The following SEC16A variants were observed in gnomAD, a reference collection of about 807,000 sequenced individuals.
SEC16A encodes SEC16 homolog A, endoplasmic reticulum export factor.
Under a neutral mutation model 221.9 loss-of-function variants are expected in SEC16A, and 110 were observed. The ratio of observed to expected loss-of-function variants is 0.50; its 90% CI spans 0.42 to 0.58. SEC16A has a LOEUF of 0.58. Ranked by LOEUF, SEC16A falls within the 20% of genes least tolerant of loss-of-function variation. The pLI is 0.00. For missense variants in SEC16A, 3,165 were observed against 3,097.8 expected, an observed-to-expected ratio of 1.02 and a Z score of -0.52; for synonymous variants, 1,393 against 1,257.7, an observed-to-expected ratio of 1.11 and a Z score of -2.28.
chr9:136,464,883 T>C (rs1839953569), intron 8 of SEC16A, among the ~76,000 whole-genome samples: 1 of 152,100 alleles, frequency 6.6e-6, no homozygotes, highest in South Asian at 2.1e-4. Flanking sequence ...TCCCGAGCTC[T>C]TCCATTTTCA....
intron 23 of SEC16A, among the ~76,000 whole-genome samples, chr9:136,450,721 G>A (rs1003151673): frequency 6.6e-6 from 1 of 152,148 alleles, no homozygotes; most frequent in Admixed American, 6.5e-5. Flanking sequence ...GTGTGACTTG[G>A]GGCAACCAAC....
At position 136,472,095 on chromosome 9, in the gene SEC16A, T is replaced by C. The variant is rs200721378; in HGVS notation, c.3584A>G (p.Tyr1195Cys). 9.1e-5 allele frequency: 147 copies of C among 1,613,582 alleles called. No individual in the cohort carries two copies. The highest frequency in any genetic ancestry group is 1.2e-4 in the Non-Finnish European group (136 of 1,179,872). ...SLYYQDVYSL[Y>C]EPRYRPYDGA... ...ATCATAGGGCCTGTATCGAGGCTCA[T>C]AGAGGCTGTAGACATCCTGTGGGAG... Residue 1195 changes from tyrosine to cysteine, a missense_variant, in exon 4 of 32, where the codon TAT becomes TGT. Tyr to Cys is a radical substitution (Grantham distance 194). Around this residue, in one of 3 missense-constraint regions of SEC16A, gnomAD observed 2,030 missense variants for 1,923.1 expected, o/e 1.06. Coordinates refer to ENST00000684901, the MANE Select transcript of SEC16A (RefSeq NM_014866.2).
intron 12 of SEC16A, among the ~76,000 whole-genome samples, chr9:136,461,998 C>A (rs1839546636): frequency 1.3e-5 from 2 of 151,792 alleles, no homozygotes; most frequent in African/African-American, 4.8e-5. Flanking sequence ...GTCCCAGCTA[C>A]TCAGGAGGCT....
At chr9:136,469,085 A>G (rs560695055) in intron 4 of SEC16A, among the ~76,000 whole-genome samples, 19 of 152,222 alleles carry the variant, frequency 1.2e-4, no homozygotes, top group African/African-American at 3.6e-4. Flanking sequence ...CCTGGGGTCA[A>G]GCGATCCACC....
upstream of SEC16A, chr9:136,484,448 C>T: frequency 8.3e-7 from 1 of 1,204,008 alleles, no homozygotes; most frequent in South Asian, 1.5e-5. Flanking sequence ...AGCGGCCAGC[C>T]ATGCCGGGCC....
intron 12 of SEC16A, 145 bp from the exon 13 acceptor site, chr9:136,461,419 C>A: frequency 1.5e-6 from 1 of 658,746 alleles, no homozygotes; most frequent in Middle Eastern, 2.4e-4. Context: ...CATTTGGAGA[C>A]TAAAGACACG....
At position 136,460,061 on chromosome 9, in the gene SEC16A, C is replaced by A. The variant is rs775500259; in HGVS notation, c.5054G>T (p.Arg1685Leu). Residue 1685 changes from arginine (R) to leucine (L), a missense_variant, in exon 14 of 32, where the codon CGG becomes CTG. This residue lies in a region of SEC16A where 1,088 missense variants were observed against 1,089.6 expected (regional missense o/e 1.00). Coordinates refer to ENST00000684901, the MANE Select transcript of SEC16A (RefSeq NM_014866.2). ...LQTVYQLMSG[R>L]MPAASTCCGD... ...ACTCACCGTGGACGCGGCAGGCATC[C>A]GTCCGGACATGAGCTGGTAGACTGT... The A allele has an allele frequency of 6.2e-7, 1 of 1,605,484 alleles. No individual in the cohort carries two copies. Among genetic ancestry groups the A allele is most frequent in the East Asian group, 2.2e-5 (1 of 44,462 alleles).
rs1841541801 is a variant in SEC16A, at chr9:136,475,769, G to A, written c.1847C>T (p.Ser616Phe). 2 of 1,600,558 alleles carry A rather than the reference G, an allele frequency of 1.2e-6. No homozygotes were observed. The highest frequency in any genetic ancestry group is 1.1e-5 in the South Asian group (1 of 89,164). ...AAATGGTTTTACCCCAACTAAGTGA[G>A]ATTTTACCGGTTCGAAAGAACTATT... ...SANSSFEPVK[S>F]HLVGVKPFEA... Residue 616 changes from serine to phenylalanine, a missense_variant, in exon 3 of 32, where the codon TCT becomes TTT. Around this residue, in one of 3 missense-constraint regions of SEC16A, gnomAD observed 2,030 missense variants for 1,923.1 expected, o/e 1.06. Coordinates refer to ENST00000684901, the MANE Select transcript of SEC16A (RefSeq NM_014866.2). The surrounding 1 kb of genome is among the most constrained non-coding windows in gnomAD (Gnocchi z 5.0).
upstream of SEC16A, chr9:136,483,873 T>C (rs1487032574): frequency 3.3e-6 from 3 of 914,280 alleles, no homozygotes; most frequent in Non-Finnish European, 2.6e-6. Context: ...GCTGGTTGCC[T>C]GGTTACGGCG....
intron 4 of SEC16A, among the ~76,000 whole-genome samples, chr9:136,469,350 A>C (rs1840570657): frequency 6.6e-6 from 1 of 152,194 alleles, no homozygotes; most frequent in Admixed American, 6.6e-5. Context: ...CACGTGCCCC[A>C]GAAAGGCTGG....
chr9:136,457,478 A>G lies in SEC16A; in HGVS notation c.5516T>C (p.Leu1839Pro). The G allele has an allele frequency of 1.2e-6, 2 of 1,607,838 alleles. No homozygotes were observed. The highest frequency in any genetic ancestry group is 1.7e-6 in the Non-Finnish European group (2 of 1,177,106). Residue 1839 changes from leucine (L) to proline (P), a missense_variant, in exon 18 of 32, where the codon CTG becomes CCG. Physicochemically the swap from Leu to Pro is moderately conservative, Grantham distance 98. Transcript: ENST00000684901. ...IAKSILTQPHLYSPVLISQLV... is the reference protein window; with the variant it reads ...IAKSILTQPHPYSPVLISQLV... The stretch of plus-strand genomic sequence containing the variant: ...CTGGCTGATCAACACCGGGGAATAC[A>G]GGTGCGGCTGCGTCAGGATGCTCTT...
chr9:136,465,833 G>T, intron 8 of SEC16A, 129 bp downstream of exon 8: 2 of 956,948 alleles, frequency 2.1e-6, no homozygotes, highest in Non-Finnish European at 3.0e-6. Flanking sequence ...TCGGAAGGAC[G>T]GATTGGGTCA....
At chr9:136,470,357 T>C (rs1256518018) in intron 4 of SEC16A, among the ~76,000 whole-genome samples, 1 of 152,164 alleles carries the variant, frequency 6.6e-6, no homozygotes, top group African/African-American at 2.4e-5. Context: ...GGTTCCTAGG[T>C]GAGCCTGGCA....
intron 2 of SEC16A, among the ~76,000 whole-genome samples, chr9:136,478,085 C>T (rs1841881218): frequency 6.6e-6 from 1 of 152,208 alleles, no homozygotes; most frequent in South Asian, 2.1e-4. Context: ...ATCCCTAGAT[C>T]CAGGAAGAGC....
chr9:136,475,703 G>A lies in SEC16A; in HGVS notation c.1913C>T (p.Thr638Ile), dbSNP rs1228412898. Reference protein sequence around the residue: ...RANVVGEVRETCVRQKQCRPA... With the variant: ...RANVVGEVREICVRQKQCRPA... Reference sequence around the variant, plus strand: ...TCTGCACTGCTTCTGGCGGACACAGGTCTCCCTTACTTCACCAACCACGTT... The same window carrying A: ...TCTGCACTGCTTCTGGCGGACACAGATCTCCCTTACTTCACCAACCACGTT... The change falls in exon 3 of 32, where the codon ACC becomes ATC. Residue 638 changes from threonine (T) to isoleucine (I), a missense_variant. Around this residue, in one of 3 missense-constraint regions of SEC16A, gnomAD observed 2,030 missense variants for 1,923.1 expected, o/e 1.06. Coordinates refer to ENST00000684901, the MANE Select transcript of SEC16A (RefSeq NM_014866.2). This position sits in a 1 kb window ranked among gnomAD's most constrained non-coding sequence, Gnocchi z 5.0. 6.2e-7 allele frequency: 1 copy of A among 1,613,434 alleles called. No individual in the cohort carries two copies. The highest frequency in any genetic ancestry group is 2.2e-5 in the East Asian group (1 of 44,864).
In SEC16A at chr9:136,447,299, G is replaced by C. The variant is rs960485796; in HGVS notation, c.6625C>G (p.Leu2209Val). Residue 2209 changes from leucine to valine, a missense_variant, in exon 27 of 32, where the codon CTC (leucine) becomes GTC (valine). Leu to Val is a conservative substitution (Grantham distance 32). This residue lies in a region of SEC16A where 1,088 missense variants were observed against 1,089.6 expected (regional missense o/e 1.00). Transcript: ENST00000684901. This position sits in a 1 kb window ranked among gnomAD's most constrained non-coding sequence, Gnocchi z 5.5. ...PSGTQRSEPA[L>V]APADFVAPLA... ...GGAGCGACAAAGTCCGCAGGAGCGA[G>C]AGCCGGCTCGCTCCGCTGGGTCCCG... is the stretch of plus-strand genomic sequence containing the variant. 3.1e-6 allele frequency: 5 copies of C among 1,595,038 alleles called. No homozygotes were observed. In the African/African-American group the frequency reaches 5.4e-5, roughly 17 times the overall value.
intron 9 of SEC16A, 108 bp from the exon 10 acceptor site, chr9:136,463,848 G>T: frequency 8.8e-7 from 1 of 1,138,590 alleles, no homozygotes; most frequent in Non-Finnish European, 1.3e-6. Flanking sequence ...GGATGGCATG[G>T]CCCACCTGCC....
At position 136,447,330 on chromosome 9, in the gene SEC16A, G is replaced by C; in HGVS notation, c.6594C>G (p.Asn2198Lys). The C allele has an allele frequency of 2.5e-6, 4 of 1,598,270 alleles. No individual in the cohort carries two copies. Among genetic ancestry groups the C allele is most frequent in the Non-Finnish European group, 3.4e-6 (4 of 1,173,170 alleles). Residue 2198 changes from asparagine (N) to lysine (K), a missense_variant, in exon 27 of 32, where the codon AAC becomes AAG. Asn to Lys is a moderately conservative substitution (Grantham distance 94). Around this residue, in one of 3 missense-constraint regions of SEC16A, gnomAD observed 1,088 missense variants for 1,089.6 expected, o/e 1.00. Transcript: ENST00000684901. This position sits in a 1 kb window ranked among gnomAD's most constrained non-coding sequence, Gnocchi z 5.5. The stretch of plus-strand genomic sequence containing the variant: ...GCTCGCTCCGCTGGGTCCCGCTTGG[G>C]TTCAGGACGTCAACGTAGCGAGCTC... ...GTRARYVDVL[N>K]PSGTQRSEPA...
At chr9:136,444,959 C>G (rs1230805096) in intron 30 of SEC16A, 93 bp downstream of exon 30, 14 of 1,059,548 alleles carry the variant, frequency 1.3e-5, no homozygotes, top group Non-Finnish European at 2.0e-5. Flanking sequence ...AGGTTAGTGG[C>G]AAAGCGCACG....
Sources: allele counts gnomAD v4.1 joint callset (sites outside exome capture counted in the v4.1 genomes callset), GRCh38; gene constraint gnomAD v4.1.1; regional missense constraint gnomAD v4.1.1; non-coding constraint Gnocchi (gnomAD v3.1); transcripts MANE v1.5; gene names NCBI Gene and HGNC (gene_info 2026-07-23, HGNC 2026-07-21).